Variants in VEGFC observed in about 807,000 individuals in gnomAD.
VEGFC encodes vascular endothelial growth factor C.
A neutral mutation model predicts 46.1 loss-of-function variants in VEGFC; 12 were observed. The observed-to-expected ratio is 0.26, with a 90% CI of 0.17 to 0.42. VEGFC has a LOEUF of 0.42. Ranked by LOEUF, VEGFC falls within the 10% of genes least tolerant of loss-of-function variation. The pLI, the probability that VEGFC is intolerant of heterozygous loss-of-function variation, is 1.00. For missense variants in VEGFC, 488 were observed against 529.4 expected (o/e 0.92, Z 0.77); for synonymous variants, 232 against 195.5 (o/e 1.19, Z -1.56).
chr4:176,703,570 A>G (rs1734473061), intron 4 of VEGFC, among the ~76,000 whole-genome samples: 1 of 152,104 alleles, frequency 6.6e-6, no homozygotes, highest in African/African-American at 2.4e-5. Flanking sequence ...ACAGCACAGT[A>G]GGGTAACAAT....
intron 4 of VEGFC, among the ~76,000 whole-genome samples, chr4:176,688,972 A>T (rs144546328): frequency 2.6e-4 from 39 of 152,328 alleles, no homozygotes; most frequent in African/African-American, 9.4e-4. Flanking sequence ...GCAGAGCTAG[A>T]AAAATGCATT....
At chr4:176,750,196 T>G (rs1027576339) in intron 1 of VEGFC, among the ~76,000 whole-genome samples, 20 of 151,750 alleles carry the variant, frequency 1.3e-4, no homozygotes, top group Admixed American at 2.0e-4. Flanking sequence ...TACTCCGATC[T>G]CTGAAACTAA....
intron 4 of VEGFC, among the ~76,000 whole-genome samples, chr4:176,699,648 G>A (rs1311578653): frequency 3.3e-5 from 5 of 152,058 alleles, no homozygotes; most frequent in Admixed American, 1.3e-4. Flanking sequence ...AGTTTGTTAC[G>A]CCTGACGCTT....
chr4:176,744,373 C>G (rs191382292), intron 1 of VEGFC, among the ~76,000 whole-genome samples: 425 of 152,052 alleles, frequency 2.8e-3, no homozygotes, highest in Non-Finnish European at 4.9e-3. Flanking sequence ...AACCTATTTT[C>G]TTAGAAATGC....
At chr4:176,771,448 A>C (rs897747449) in intron 1 of VEGFC, among the ~76,000 whole-genome samples, 15 of 152,198 alleles carry the variant, frequency 9.9e-5, no homozygotes. Context: ...ATGATTATGA[A>C]TTTGAATAAT....
chr4:176,686,930 C>T (rs950690212), intron 6 of VEGFC, among the ~76,000 whole-genome samples: 1 of 152,022 alleles, frequency 6.6e-6, no homozygotes. Context: ...TGAAAACATC[C>T]CACAGGAACC....
At chr4:176,728,772 T>C (rs943432218) in intron 2 of VEGFC, among the ~76,000 whole-genome samples, 5 of 152,262 alleles carry the variant, frequency 3.3e-5, no homozygotes, top group Non-Finnish European at 7.3e-5. Context: ...CCATTTTGTT[T>C]GCCTCTGTTC....
chr4:176,704,787 T>C (rs2110991405), intron 4 of VEGFC, among the ~76,000 whole-genome samples: 1 of 152,294 alleles, frequency 6.6e-6, no homozygotes, highest in Non-Finnish European at 1.5e-5. Flanking sequence ...AGCCCATCCT[T>C]GGCTGGGCAT....
chr4:176,757,187 T>C (rs78452015), intron 1 of VEGFC, among the ~76,000 whole-genome samples: 1,685 of 152,170 alleles, frequency 0.011, 24 homozygotes, highest in Middle Eastern at 0.099. Context: ...CATACTTTTT[T>C]TTCTAGGCAC....
intron 3 of VEGFC, among the ~76,000 whole-genome samples, chr4:176,718,712 C>G (rs955967703): frequency 1.7e-4 from 26 of 152,002 alleles, no homozygotes; most frequent in African/African-American, 6.0e-4. Context: ...TTGATTTAAC[C>G]CCACCATTTT....
At chr4:176,734,320 T>C (rs993230903) in intron 1 of VEGFC, among the ~76,000 whole-genome samples, 1 of 151,768 alleles carries the variant, frequency 6.6e-6, no homozygotes, top group African/African-American at 2.4e-5. Context: ...ATCCACATGG[T>C]GTTTGGTTAT....
At position 176,792,088 on chromosome 4, in the gene VEGFC, C is replaced by G; in HGVS notation, c.147+77G>C. On this transcript the variant is annotated intron_variant, in intron 1 of 6. Transcript: ENST00000618562. This position sits in a 1 kb window ranked among gnomAD's most constrained non-coding sequence, Gnocchi z 6.3. ...CAAGCTTAAAGCACACACACTTTCCCCCGCGCAGGTTCTCGGGTCCGCCGC... is the reference window on the plus strand; with the variant it reads ...CAAGCTTAAAGCACACACACTTTCCGCCGCGCAGGTTCTCGGGTCCGCCGC... 2 of 1,400,182 alleles carry G rather than the reference C, an allele frequency of 1.4e-6. No individual in the cohort carries two copies. The highest frequency in any genetic ancestry group is 1.9e-6 in the Non-Finnish European group (2 of 1,072,310). The allele number at this position is 1,400,182 out of a possible 1,614,324, so 86.7% of individuals were successfully genotyped here.
At chr4:176,745,759 A>G (rs1029403242) in intron 1 of VEGFC, among the ~76,000 whole-genome samples, 8 of 152,084 alleles carry the variant, frequency 5.3e-5, no homozygotes, top group African/African-American at 1.9e-4. Flanking sequence ...GAGAATATGG[A>G]AAGTCAGGCT....
At position 176,792,067 on chromosome 4, in the gene VEGFC, C is replaced by G. The variant is rs538083639; in HGVS notation, c.147+98G>C. 1.5e-6 allele frequency: 2 copies of G among 1,376,948 alleles called. No individual in the cohort carries two copies. The highest frequency in any genetic ancestry group is 5.7e-5 in the East Asian group (2 of 35,340). 85.3% of individuals were successfully genotyped at this position (1,376,948 alleles called of 1,614,324 possible). On this transcript the variant is annotated intron_variant, in intron 1 of 6. Coordinates refer to ENST00000618562, the MANE Select transcript of VEGFC (RefSeq NM_005429.5). The surrounding 1 kb of genome is among the most constrained non-coding windows in gnomAD (Gnocchi z 6.3). Reference sequence around the variant, plus strand: ...TAACTTTGGATCCCACGTACACAAGCTTAAAGCACACACACTTTCCCCCGC... The same window carrying G: ...TAACTTTGGATCCCACGTACACAAGGTTAAAGCACACACACTTTCCCCCGC...
chr4:176,746,906 A>G (rs1211753498), intron 1 of VEGFC, among the ~76,000 whole-genome samples: 1 of 152,170 alleles, frequency 6.6e-6, no homozygotes, highest in Non-Finnish European at 1.5e-5. Context: ...TGCTGAATTT[A>G]TTAACCAGAT....
chr4:176,690,235 A>G (rs1485742896), intron 4 of VEGFC, among the ~76,000 whole-genome samples: 7 of 151,912 alleles, frequency 4.6e-5, no homozygotes, highest in Admixed American at 4.6e-4. Context: ...CTATGTTCTT[A>G]CTTTTGAGAA....
chr4:176,740,300 A>G (rs1331518510), intron 1 of VEGFC, among the ~76,000 whole-genome samples: 1 of 120,656 alleles, frequency 8.3e-6, no homozygotes, highest in Non-Finnish European at 1.6e-5. Flanking sequence ...ATATCTATAT[A>G]GAGTATATAT....
intron 1 of VEGFC, among the ~76,000 whole-genome samples, chr4:176,785,734 A>G (rs1407525488): frequency 1.3e-5 from 2 of 152,156 alleles, no homozygotes; most frequent in Admixed American, 6.5e-5. Context: ...TTCTATTTCA[A>G]TGAACTGTCT....
rs1560932250 is a variant in VEGFC, at chr4:176,687,264, T to G, written c.1068A>C (p.Gly356=). 1 of 1,614,226 alleles carries G rather than the reference T, an allele frequency of 6.2e-7. No homozygotes were observed. The highest frequency in any genetic ancestry group is 8.5e-7 in the Non-Finnish European group (1 of 1,180,038). Residue 356 remains glycine, a synonymous_variant, in exon 6 of 7, where the codon GGA becomes GGC. Coordinates refer to ENST00000618562, the MANE Select transcript of VEGFC (RefSeq NM_005429.5). ...TCPRNQPLNP[G]KCACECTESP... ...TTTCTGTACATTCACAGGCACATTT[T>G]CCAGGATTTAGGGGTTGATTTCTGG...
Sources: allele counts gnomAD v4.1 joint callset (sites outside exome capture counted in the v4.1 genomes callset), GRCh38; gene constraint gnomAD v4.1.1; non-coding constraint Gnocchi (gnomAD v3.1); transcripts MANE v1.5; gene names NCBI Gene and HGNC (gene_info 2026-07-23, HGNC 2026-07-21).